The following YPEL2 variants were observed in gnomAD, a reference collection of about 807,000 sequenced individuals.
YPEL2 encodes the protein yippee like 2.
A neutral mutation model predicts 19.1 loss-of-function variants in YPEL2; 2 were observed. The observed-to-expected ratio is 0.10, with a 90% CI of 0.04 to 0.33. The LOEUF is 0.33. Ranked by LOEUF, YPEL2 falls within the 10% of genes least tolerant of loss-of-function variation. The pLI is 1.00. For missense variants in YPEL2, 66 were observed against 140.7 expected, an observed-to-expected ratio of 0.47 and a Z score of 2.68; for synonymous variants, 52 against 50.0, an observed-to-expected ratio of 1.04 and a Z score of -0.17.
At chr17:59,382,339 G>A (rs544113202) in intron 2 of YPEL2, among the ~76,000 whole-genome samples, 1 of 151,660 alleles carries the variant, frequency 6.6e-6, no homozygotes, top group Non-Finnish European at 1.5e-5. Flanking sequence ...GTGCCTTAGG[G>A]CCTGGCTGGC....
intron 2 of YPEL2, among the ~76,000 whole-genome samples, chr17:59,371,699 G>T (rs1243761617): frequency 1.3e-5 from 2 of 152,324 alleles, no homozygotes; most frequent in East Asian, 1.9e-4. Context: ...ATGTTCTCAT[G>T]CCTGGATGCA....
At chr17:59,363,175 G>A (rs574349397) in intron 2 of YPEL2, 1 of 152,192 alleles carries the variant, frequency 6.6e-6, no homozygotes, top group Non-Finnish European at 1.5e-5. Context: ...GAGAGAGAGA[G>A]ACAGGGTCTC....
chr17:59,379,591 A>G (rs555495221), intron 2 of YPEL2, among the ~76,000 whole-genome samples: 4 of 152,292 alleles, frequency 2.6e-5, no homozygotes, highest in African/African-American at 9.6e-5. Context: ...TGGTTGCCAG[A>G]GGCTGGGGGC....
rs180981498 is a variant in YPEL2 at position 59,377,370 on chromosome 17, A to C, written c.118-10957A>C. ...GTTCTGGCTTATATTTGAACTGCAGAGGGCCCAGCTCTTAATGGCTGACTG... is the reference window on the plus strand; with the variant it reads ...GTTCTGGCTTATATTTGAACTGCAGCGGGCCCAGCTCTTAATGGCTGACTG... On this transcript the variant is annotated intron_variant, in intron 2 of 4. Coordinates refer to ENST00000312655, the MANE Select transcript of YPEL2 (RefSeq NM_001005404.4). Among the ~76,000 whole-genome samples, 554 of 152,338 alleles carry C rather than the reference A, an allele frequency of 3.6e-3. 1 individual carries two copies. Among genetic ancestry groups the C allele is most frequent in the Non-Finnish European group, 6.1e-3 (414 of 68,034 alleles).
At chr17:59,383,050 CTTTG>C (rs1225085176) in intron 2 of YPEL2, among the ~76,000 whole-genome samples, 5 of 152,078 alleles carry the variant, frequency 3.3e-5, no homozygotes, top group Non-Finnish European at 5.9e-5. Flanking sequence ...CTCTGAAACT[CTTTG>C]TTTGGAATAG....
At chr17:59,343,932 T>C (rs1053215774) in intron 1 of YPEL2, among the ~76,000 whole-genome samples, 3 of 152,096 alleles carry the variant, frequency 2.0e-5, no homozygotes, top group African/African-American at 4.8e-5. Flanking sequence ...GTGCTGCTGC[T>C]GGTGACTGAG....
Position 59,400,834 on chromosome 17 carries a change from T to G in YPEL2, c.*3644T>G, listed in dbSNP as rs1461988343. 6.6e-6 allele frequency: 1 copy of G among 152,642 alleles called. No individual in the cohort carries two copies. The highest frequency in any genetic ancestry group is 1.5e-5 in the Non-Finnish European group (1 of 68,044). The allele number at this position is 152,642 out of a possible 1,614,324, so 9.5% of individuals were successfully genotyped here. On this transcript the variant is annotated 3_prime_UTR_variant, in exon 5 of 5. Coordinates refer to ENST00000312655, the MANE Select transcript of YPEL2 (RefSeq NM_001005404.4). ...AACTACAGTTTACACCTCGGGCGCA[T>G]AAAGTTTTTCTTCTCTTTCTCTCTG...
intron 4 of YPEL2, among the ~76,000 whole-genome samples, chr17:59,396,082 AAATAAT>A (rs1216695947): frequency 6.6e-6 from 1 of 152,188 alleles, no homozygotes; most frequent in Non-Finnish European, 1.5e-5. Context: ...CTCCGTCTCA[AAATAAT>A]AATAAATAAA....
intron 2 of YPEL2, among the ~76,000 whole-genome samples, chr17:59,377,673 C>T (rs1211306546): frequency 6.6e-6 from 1 of 152,190 alleles, no homozygotes. Context: ...GAGGTTTATC[C>T]TGCTCCTGGT....
chr17:59,377,009 A>G (rs2047925454), intron 2 of YPEL2, among the ~76,000 whole-genome samples: 1 of 151,856 alleles, frequency 6.6e-6, no homozygotes, highest in Admixed American at 6.6e-5. Flanking sequence ...ATATTTTGAA[A>G]GCAATCCCTT....
chr17:59,364,688 G>T (rs944063275), intron 2 of YPEL2, among the ~76,000 whole-genome samples: 1 of 145,080 alleles, frequency 6.9e-6, no homozygotes, highest in African/African-American at 2.6e-5. Context: ...CACGATCTTA[G>T]CTCACTGCAA....
chr17:59,331,906 C>CCGGCCT (rs2047671667), intron 1 of YPEL2, 82 bp downstream of exon 1: 2 of 151,390 alleles, frequency 1.3e-5, no homozygotes, highest in Non-Finnish European at 2.9e-5. Flanking sequence ...GTCCCCGGCC[C>CCGGCCT]CGGCCTCCGG....
chr17:59,395,800 C>T (rs1051240500), intron 4 of YPEL2, among the ~76,000 whole-genome samples: 6 of 152,290 alleles, frequency 3.9e-5, no homozygotes, highest in East Asian at 3.9e-4. Context: ...ACCAGGCGTC[C>T]GGGCGCGGTG....
chr17:59,353,436 T>A lies in YPEL2; in HGVS notation c.27T>A (p.Thr9=). The change falls in exon 2 of 5, where the codon ACT becomes ACA. Residue 9 remains threonine, a synonymous_variant. Transcript: ENST00000312655. The surrounding 1 kb of genome is among the most constrained non-coding windows in gnomAD (Gnocchi z 4.8). ...TGGTGAAGATGACAAGATCGAAGACTTTCCAGGCATATCTGCCCTCCTGCC... is the reference window on the plus strand; with the variant it reads ...TGGTGAAGATGACAAGATCGAAGACATTCCAGGCATATCTGCCCTCCTGCC... The part of the protein sequence containing the change: MVKMTRSK[T]FQAYLPSCHR... 1 of 1,605,484 alleles carries A rather than the reference T, an allele frequency of 6.2e-7. No homozygotes were observed. The highest frequency in any genetic ancestry group is 8.5e-7 in the Non-Finnish European group (1 of 1,175,256).
chr17:59,351,476 C>T (rs986707313), intron 1 of YPEL2, among the ~76,000 whole-genome samples: 14 of 152,288 alleles, frequency 9.2e-5, no homozygotes, highest in African/African-American at 2.9e-4. Context: ...TGGCACCCAA[C>T]AGCATTGGTC....
intron 2 of YPEL2, among the ~76,000 whole-genome samples, chr17:59,385,408 G>T (rs908904345): frequency 6.6e-6 from 1 of 152,008 alleles, no homozygotes; most frequent in Non-Finnish European, 1.5e-5. Context: ...GCAAGATTCC[G>T]TCTCTACAAA....
At chr17:59,372,753 ACT>A (rs2047902954) in intron 2 of YPEL2, among the ~76,000 whole-genome samples, 1 of 152,180 alleles carries the variant, frequency 6.6e-6, no homozygotes, top group Non-Finnish European at 1.5e-5. Context: ...CCTAGGACTG[ACT>A]CTGTCCCCAT....
intron 2 of YPEL2, among the ~76,000 whole-genome samples, chr17:59,369,132 T>C (rs143221510): frequency 6.6e-6 from 1 of 152,216 alleles, no homozygotes; most frequent in African/African-American, 2.4e-5. Context: ...CCCCAAATCA[T>C]TGAAAGCGGG....
At chr17:59,340,405 A>G (rs2047722706) in intron 1 of YPEL2, among the ~76,000 whole-genome samples, 1 of 150,278 alleles carries the variant, frequency 6.7e-6, no homozygotes, top group African/African-American at 2.5e-5. Flanking sequence ...CACCGTGCCC[A>G]GCTGGAACTT....
Sources: gnomAD v4.1 joint callset for allele counts (sites outside exome capture counted in the v4.1 genomes callset) on GRCh38, gnomAD v4.1.1 for gene constraint, Gnocchi (gnomAD v3.1) non-coding constraint, MANE v1.5 for transcripts, NCBI Gene and HGNC (gene_info 2026-07-23, HGNC 2026-07-21) for gene names.